ARHGAP5: variants seen among roughly 807,000 people sequenced by gnomAD.
ARHGAP5 encodes rho GTPase-activating protein 5.
A neutral mutation model predicts 116.6 loss-of-function variants in ARHGAP5; 23 were observed. The ratio of observed to expected loss-of-function variants is 0.20; its 90% CI spans 0.14 to 0.28. The LOEUF (loss-of-function observed/expected upper bound fraction) is 0.28. Among genes scored for constraint, ARHGAP5 ranks in the 10% least tolerant of loss-of-function variants. The pLI is 1.00. For missense variants in ARHGAP5, 1,405 were observed against 1,774.8 expected, an observed-to-expected ratio of 0.79 and a Z score of 3.74; for synonymous variants, 574 against 602.0, an observed-to-expected ratio of 0.95 and a Z score of 0.68.
rs1370632243 is a variant in ARHGAP5, at chr14:32,090,775, T to G, written c.106T>G (p.Cys36Gly). ...AGGTAACTGTGGAGTTGGAAAGTCT[T>G]GTTTGTGCAATAGATTTGTACGCTC... is the stretch of plus-strand genomic sequence containing the variant. ...DKGNCGVGKS[C>G]LCNRFVRSKA... Residue 36 changes from cysteine (C) to glycine (G), a missense_variant, in exon 2 of 7, where the codon TGT becomes GGT. By Grantham distance (159) the Cys-to-Gly change is radical. Transcript: ENST00000345122. The G allele has an allele frequency of 6.2e-7, 1 of 1,613,570 alleles. No individual in the cohort carries two copies. The highest frequency in any genetic ancestry group is 8.5e-7 in the Non-Finnish European group (1 of 1,179,632).
chr14:32,147,549 G>A (rs1489147305), intron 4 of ARHGAP5, among the ~76,000 whole-genome samples: 1 of 152,172 alleles, frequency 6.6e-6, no homozygotes, highest in Non-Finnish European at 1.5e-5. Flanking sequence ...TGAATATCAG[G>A]ATTCAGATAG....
chr14:32,084,114 A>G (rs996621446), intron 1 of ARHGAP5, among the ~76,000 whole-genome samples: 2 of 152,386 alleles, frequency 1.3e-5, no homozygotes, highest in Middle Eastern at 3.4e-3. Flanking sequence ...TAGGGTGTAC[A>G]TTAAATAATA....
At chr14:32,112,063 C>T (rs545688318) in intron 2 of ARHGAP5, among the ~76,000 whole-genome samples, 82 of 152,072 alleles carry the variant, frequency 5.4e-4, no homozygotes, top group Non-Finnish European at 7.6e-4. Context: ...GCGATCCGCC[C>T]GTTTCGGCCT....
chr14:32,091,509 G>T lies in ARHGAP5; in HGVS notation c.840G>T (p.Val280=). ...CAACAGATAAGTTTGAAAAACTTGTGCAGACTGTGAGAGATTATCATGCAA... is the reference window on the plus strand; with the variant it reads ...CAACAGATAAGTTTGAAAAACTTGTTCAGACTGTGAGAGATTATCATGCAA... ...VTATDKFEKL[V]QTVRDYHATW... Residue 280 remains valine (V), a synonymous_variant, in exon 2 of 7, where the codon GTG becomes GTT. Coordinates refer to ENST00000345122, the MANE Select transcript of ARHGAP5 (RefSeq NM_001030055.2). 6.2e-7 allele frequency: 1 copy of T among 1,613,104 alleles called. No homozygotes were observed.
rs1029524417 is a variant in ARHGAP5 at position 32,083,755 on chromosome 14, C to T, written c.-169+6320C>T. Among the ~76,000 whole-genome samples the T allele has an allele frequency of 9.2e-5, 14 of 152,176 alleles. No individual in the cohort carries two copies. The South Asian group carries it at 2.1e-3, about 23-fold the overall frequency. Reference sequence around the variant, plus strand: ...AAAGTTGTTTGTATGATGAAAATGACGGTTCCTCTACTATATGGCATTGTA... The same window carrying T: ...AAAGTTGTTTGTATGATGAAAATGATGGTTCCTCTACTATATGGCATTGTA... On this transcript the variant is annotated intron_variant, in intron 1 of 6. Transcript: ENST00000345122.
At position 32,146,846 on chromosome 14, in the gene ARHGAP5, T is replaced by G. The variant is rs553131376; in HGVS notation, c.3943+506T>G. Among the ~76,000 whole-genome samples the G allele has an allele frequency of 3.0e-4, 45 of 152,292 alleles. No homozygotes were observed. In the East Asian group the frequency reaches 7.7e-3, roughly 26 times the overall value. On this transcript the variant is annotated intron_variant, in intron 4 of 6. Transcript: ENST00000345122. ...ATGGAAAGCAGTAGAATAAATTTTG[T>G]TTTTGAAATAACAAGAAACTATCTC...
rs1440783875 is a variant in ARHGAP5, at chr14:32,077,405, A to AGGAGGAGAC, written c.-189_-181dup. On this transcript the variant is annotated 5_prime_UTR_variant, in exon 1 of 7. Coordinates refer to ENST00000345122, the MANE Select transcript of ARHGAP5 (RefSeq NM_001030055.2). ...GCCACCGCCGGGGCCGCTGCCGTTG[A>AGGAGGAGAC]GGAGGAGACGGAGGAGACCGACGTT... 2 of 705,290 alleles carry AGGAGGAGAC rather than the reference A, an allele frequency of 2.8e-6. No homozygotes were observed. Among genetic ancestry groups the AGGAGGAGAC allele is most frequent in the Admixed American group, 4.0e-5 (2 of 50,274 alleles). 43.7% of individuals were successfully genotyped at this position (705,290 alleles called of 1,614,324 possible).
chr14:32,092,268 A>G lies in ARHGAP5; in HGVS notation c.1599A>G (p.Lys533=). The G allele has an allele frequency of 6.2e-7, 1 of 1,613,598 alleles. No individual in the cohort carries two copies. Among genetic ancestry groups the G allele is most frequent in the South Asian group, 1.1e-5 (1 of 91,028 alleles). The part of the protein sequence containing the change: ...SEEPRYKALQ[K]LAPDRESLLL... Reference sequence around the variant, plus strand: ...AACCTAGATATAAAGCTTTACAGAAACTTGCACCTGATAGGGAATCCCTTC... The same window carrying G: ...AACCTAGATATAAAGCTTTACAGAAGCTTGCACCTGATAGGGAATCCCTTC... Residue 533 remains lysine, a synonymous_variant, in exon 2 of 7, where the codon AAA becomes AAG. Coordinates refer to ENST00000345122, the MANE Select transcript of ARHGAP5 (RefSeq NM_001030055.2). The surrounding 1 kb of genome is among the most constrained non-coding windows in gnomAD (Gnocchi z 4.1).
chr14:32,126,998 C>CTTT (rs772990418), intron 3 of ARHGAP5, among the ~76,000 whole-genome samples: 2 of 134,508 alleles, frequency 1.5e-5, no homozygotes, highest in Non-Finnish European at 3.2e-5. Context: ...AATATGATAT[C>CTTT]TTTTTTTTTT....
chr14:32,140,758 A>G (rs2139127795), intron 3 of ARHGAP5, among the ~76,000 whole-genome samples: 1 of 152,300 alleles, frequency 6.6e-6, no homozygotes, highest in East Asian at 1.9e-4. Flanking sequence ...TGTTTCCTCC[A>G]GAATGTTACA....
chr14:32,083,363 A>G (rs537157431), intron 1 of ARHGAP5, among the ~76,000 whole-genome samples: 1 of 152,408 alleles, frequency 6.6e-6, no homozygotes, highest in Non-Finnish European at 1.5e-5. Context: ...TCATTTAAGT[A>G]CAGTCTATGA....
intron 3 of ARHGAP5, among the ~76,000 whole-genome samples, chr14:32,127,769 A>AC (rs1392161759): frequency 2.1e-5 from 3 of 140,030 alleles, no homozygotes; most frequent in Non-Finnish European, 4.6e-5. Flanking sequence ...GGGCCTCCCC[A>AC]CCCCCGAGAC....
intron 1 of ARHGAP5, among the ~76,000 whole-genome samples, chr14:32,081,548 C>CAAAA (rs529516365): frequency 6.1e-5 from 3 of 48,864 alleles, no homozygotes; most frequent in Admixed American, 2.1e-4. Flanking sequence ...GACTCCTTCT[C>CAAAA]AAAAAAAAAA....
intron 2 of ARHGAP5, among the ~76,000 whole-genome samples, chr14:32,095,051 A>G (rs936519099): frequency 1.3e-5 from 2 of 152,182 alleles, no homozygotes; most frequent in Non-Finnish European, 2.9e-5. Flanking sequence ...TATTTTAGCA[A>G]CTTCACTTCT....
chr14:32,078,970 C>T (rs1397951871), intron 1 of ARHGAP5, among the ~76,000 whole-genome samples: 1 of 151,978 alleles, frequency 6.6e-6, no homozygotes, highest in Non-Finnish European at 1.5e-5. Flanking sequence ...TTTTAAATTC[C>T]TTTCTCATTT....
At position 32,110,607 on chromosome 14, in the gene ARHGAP5, C is replaced by T. The variant is rs574000121; in HGVS notation, c.3718-6533C>T. 3.9e-5 allele frequency among the ~76,000 whole-genome samples: 6 copies of T among 152,140 alleles called. No homozygotes were observed. The East Asian group carries it at 5.8e-4, about 15-fold the overall frequency. On this transcript the variant is annotated intron_variant, in intron 2 of 6. Coordinates refer to ENST00000345122, the MANE Select transcript of ARHGAP5 (RefSeq NM_001030055.2). ...GAAATTAGGTCAAAATGTAAAGGAG[C>T]GGAGTCCAAGGCATGCAGATTGTAC...
Position 32,093,190 on chromosome 14 carries a change from G to A in ARHGAP5, c.2521G>A (p.Gly841Arg). ...AATATTATCATACCACTCTTCAATT[G>A]GAGTAAGAAAAGATGAACTAGTTCA... ...ITILSYHSSI[G>R]VRKDELVHGY... The change falls in exon 2 of 7, where the codon GGA becomes AGA. Residue 841 changes from glycine to arginine, a missense_variant. Physicochemically the swap from Gly to Arg is moderately radical, Grantham distance 125. Coordinates refer to ENST00000345122, the MANE Select transcript of ARHGAP5 (RefSeq NM_001030055.2). 1.9e-6 allele frequency: 3 copies of A among 1,613,934 alleles called. No individual in the cohort carries two copies. Among genetic ancestry groups the A allele is most frequent in the South Asian group, 1.1e-5 (1 of 91,074 alleles).
Position 32,146,437 on chromosome 14 carries a change from A to G in ARHGAP5, c.3943+97A>G, listed in dbSNP as rs1881383741. On this transcript the variant is annotated intron_variant, in intron 4 of 6. Coordinates refer to ENST00000345122, the MANE Select transcript of ARHGAP5 (RefSeq NM_001030055.2). ...TTGATTTTCATTTGAAAACTTCCTA[A>G]GGATATGGATGTTGAGGAGAGAGGG... 6.9e-6 allele frequency: 6 copies of G among 865,810 alleles called. No homozygotes were observed. In the South Asian group the frequency reaches 9.3e-5, roughly 13 times the overall value. 53.6% of individuals were successfully genotyped at this position (865,810 alleles called of 1,614,324 possible).
chr14:32,129,914 A>G (rs1430639502), intron 3 of ARHGAP5, among the ~76,000 whole-genome samples: 1 of 152,084 alleles, frequency 6.6e-6, no homozygotes. Context: ...CTGTATGACC[A>G]CACTTCCAGG....
Sources: gnomAD v4.1 joint callset for allele counts (sites outside exome capture counted in the v4.1 genomes callset) on GRCh38, gnomAD v4.1.1 for gene constraint, Gnocchi (gnomAD v3.1) non-coding constraint, MANE v1.5 for transcripts, NCBI Gene and HGNC (gene_info 2026-07-23, HGNC 2026-07-21) for gene names.